MAD1L1: variants seen among roughly 807,000 people sequenced by gnomAD.
MAD1L1 encodes mitotic spindle assembly checkpoint protein MAD1.
In MAD1L1, 95 loss-of-function variants were observed where a neutral mutation model predicts 96.9. The observed-to-expected ratio is 0.98, with a 90% confidence interval of 0.83 to 1.16. MAD1L1 has a LOEUF of 1.16. MAD1L1 is among the 50% of genes most tolerant of loss of function. The pLI, the probability that MAD1L1 is intolerant of heterozygous loss-of-function variation, is 0.00. For synonymous variants in MAD1L1, 473 were observed against 396.6 expected, an observed-to-expected ratio of 1.19 and a Z score of -2.29; for missense variants, 1,007 against 954.4, an observed-to-expected ratio of 1.06 and a Z score of -0.73.
intron 7 of MAD1L1, among the ~76,000 whole-genome samples, chr7:2,217,654 T>C (rs1025386152): frequency 1.3e-5 from 2 of 152,224 alleles, no homozygotes; most frequent in African/African-American, 4.8e-5. Context: ...GGCAGCTTTC[T>C]CAACCTCTCT....
chr7:2,108,541 C>T (rs1787211345), intron 11 of MAD1L1, among the ~76,000 whole-genome samples: 2 of 152,244 alleles, frequency 1.3e-5, no homozygotes, highest in African/African-American at 4.8e-5. Context: ...TTTGATTTTT[C>T]ATTTTCAAAT....
chr7:1,875,555 G>A (rs373268227), intron 18 of MAD1L1, among the ~76,000 whole-genome samples: 12 of 152,318 alleles, frequency 7.9e-5, no homozygotes, highest in African/African-American at 2.9e-4. Flanking sequence ...GGAAGGCGTG[G>A]AACACAGCAG....
intron 14 of MAD1L1, among the ~76,000 whole-genome samples, chr7:1,982,035 C>T (rs896975142): frequency 9.2e-5 from 14 of 152,152 alleles, no homozygotes; most frequent in Non-Finnish European, 1.5e-4. Flanking sequence ...AGCCAGCCAA[C>T]GTTCTGAGGT....
intron 9 of MAD1L1, among the ~76,000 whole-genome samples, chr7:2,215,544 C>T (rs10265798): frequency 0.08 from 12,213 of 152,158 alleles, 1,682 homozygotes; most frequent in African/African-American, 0.28. Flanking sequence ...TTCCAGATGA[C>T]CCACATTCCT....
chr7:1,871,867 G>A (rs953267405), intron 18 of MAD1L1, among the ~76,000 whole-genome samples: 1 of 152,216 alleles, frequency 6.6e-6, no homozygotes, highest in African/African-American at 2.4e-5. Context: ...AGGGGACATG[G>A]AGGGGACAGG....
At chr7:2,191,899 C>T (rs1791738517) in intron 10 of MAD1L1, among the ~76,000 whole-genome samples, 1 of 151,912 alleles carries the variant, frequency 6.6e-6, no homozygotes, top group Admixed American at 6.6e-5. Context: ...GGCGCAGTGG[C>T]AGGCACCTGT....
At chr7:1,953,159 G>C (rs557838509) in intron 16 of MAD1L1, among the ~76,000 whole-genome samples, 2 of 152,310 alleles carry the variant, frequency 1.3e-5, no homozygotes, top group South Asian at 4.1e-4. Flanking sequence ...CCTGGTCCCA[G>C]GGACACGGAC....
chr7:2,222,376 G>A (rs530309682), intron 5 of MAD1L1, among the ~76,000 whole-genome samples, 199 bp downstream of exon 5: 13 of 152,260 alleles, frequency 8.5e-5, no homozygotes, highest in Non-Finnish European at 1.5e-4. Context: ...CACCGCGCCC[G>A]GCCCAAAGTC....
At chr7:2,206,165 A>G (rs566393779) in intron 10 of MAD1L1, among the ~76,000 whole-genome samples, 2 of 152,346 alleles carry the variant, frequency 1.3e-5, no homozygotes, top group South Asian at 2.1e-4. Flanking sequence ...GTATCTGTTA[A>G]AAGTCTTTTG....
intron 11 of MAD1L1, among the ~76,000 whole-genome samples, chr7:2,144,394 G>A (rs1235709525): frequency 6.6e-6 from 1 of 152,166 alleles, no homozygotes; most frequent in Non-Finnish European, 1.5e-5. Flanking sequence ...GAGAGGCCCC[G>A]CTCCCGCCAC....
intron 12 of MAD1L1, among the ~76,000 whole-genome samples, chr7:2,065,547 A>T (rs1473315900): frequency 1.3e-5 from 2 of 152,178 alleles, no homozygotes; most frequent in Non-Finnish European, 2.9e-5. Flanking sequence ...CCAGCTTCGG[A>T]GGAGGTGGCC....
intron 15 of MAD1L1, among the ~76,000 whole-genome samples, chr7:1,973,456 C>T (rs1296388661): frequency 2.0e-5 from 3 of 152,018 alleles, no homozygotes; most frequent in African/African-American, 2.4e-5. Flanking sequence ...AGTGGGGATG[C>T]GTACCCCACT....
chr7:1,990,405 C>T (rs545500994), intron 14 of MAD1L1, among the ~76,000 whole-genome samples: 1 of 152,340 alleles, frequency 6.6e-6, no homozygotes, highest in South Asian at 2.1e-4. Flanking sequence ...CTAAGGAGGC[C>T]TCGGGGGGAT....
chr7:1,878,738 C>T (rs1048420935), intron 18 of MAD1L1, among the ~76,000 whole-genome samples: 4 of 147,758 alleles, frequency 2.7e-5, no homozygotes, highest in Non-Finnish European at 4.5e-5. Context: ...ATGTCCCCCC[C>T]CCCCCATTCT....
rs139470572 is a variant in MAD1L1, at chr7:1,912,965, G to A, written c.1808-14575C>T. On this transcript the variant is annotated intron_variant, in intron 17 of 18. Transcript: ENST00000265854. ...CCGCGTTCATGATTAATTTCCCACC[G>A]AGGCTTGCAGAACCTCAGCTCCCCG... 1.1e-3 allele frequency among the ~76,000 whole-genome samples: 173 copies of A among 152,252 alleles called. No homozygotes were observed. In the East Asian group the frequency reaches 0.019, roughly 16 times the overall value.
At chr7:1,864,578 C>G (rs936867943) in intron 18 of MAD1L1, among the ~76,000 whole-genome samples, 1 of 152,260 alleles carries the variant, frequency 6.6e-6, no homozygotes, top group East Asian at 1.9e-4. Context: ...GACATCCACA[C>G]GAGCTGATGC....
intron 10 of MAD1L1, among the ~76,000 whole-genome samples, chr7:2,202,278 G>A (rs1792352556): frequency 6.6e-6 from 1 of 152,252 alleles, no homozygotes; most frequent in Admixed American, 6.5e-5. Context: ...AAGCGGCCAG[G>A]ACTCAGCCAC....
At chr7:1,826,400 C>T (rs1782396205) in intron 18 of MAD1L1, among the ~76,000 whole-genome samples, 1 of 152,212 alleles carries the variant, frequency 6.6e-6, no homozygotes, top group Non-Finnish European at 1.5e-5. Context: ...GACTCCCCCG[C>T]TCATGGCCTC....
chr7:2,229,215 G>T (rs994433788), intron 3 of MAD1L1, among the ~76,000 whole-genome samples: 3 of 152,188 alleles, frequency 2.0e-5, no homozygotes, highest in Non-Finnish European at 4.4e-5. Context: ...CAGGGACTGG[G>T]AAAGAGGGTC....
Sources: allele counts gnomAD v4.1 joint callset (sites outside exome capture counted in the v4.1 genomes callset), GRCh38; gene constraint gnomAD v4.1.1; transcripts MANE v1.5; gene names NCBI Gene and HGNC (gene_info 2026-07-23, HGNC 2026-07-21).